FHIT: variants seen among roughly 807,000 people sequenced by gnomAD.
The protein encoded by FHIT is bis(5'-adenosyl)-triphosphatase.
A neutral mutation model predicts 17.9 loss-of-function variants in FHIT; 19 were observed. The ratio of observed to expected loss-of-function variants is 1.06; its 90% confidence interval spans 0.74 to 1.56. FHIT has a LOEUF of 1.56. FHIT is among the 40% of genes most tolerant of loss of function. FHIT has a pLI of 0.00. For missense variants in FHIT, 248 were observed against 189.2 expected, an observed-to-expected ratio of 1.31 and a Z score of -1.82; for synonymous variants, 81 against 69.7, an observed-to-expected ratio of 1.16 and a Z score of -0.81.
At chr3:59,937,356 G>C (rs186481023) in intron 7 of FHIT, among the ~76,000 whole-genome samples, 9 of 152,280 alleles carry the variant, frequency 5.9e-5, no homozygotes, top group African/African-American at 1.9e-4. Context: ...ATAAGATACA[G>C]ATAGTCAGCC....
chr3:60,338,952 T>C (rs113026501), intron 5 of FHIT, among the ~76,000 whole-genome samples: 1,587 of 152,152 alleles, frequency 0.01, 29 homozygotes, highest in African/African-American at 0.036. Context: ...AACCCTGAAA[T>C]AGACATAACA....
At chr3:60,485,381 T>C (rs541451557) in intron 5 of FHIT, among the ~76,000 whole-genome samples, 1 of 152,202 alleles carries the variant, frequency 6.6e-6, no homozygotes, top group South Asian at 2.1e-4. Context: ...TCATTTACAA[T>C]AGCAAAGACT....
chr3:59,956,397 T>A (rs1707399911), intron 7 of FHIT, among the ~76,000 whole-genome samples: 1 of 152,112 alleles, frequency 6.6e-6, no homozygotes, highest in African/African-American at 2.4e-5. Flanking sequence ...AGGCCGGGCA[T>A]GGTGGCTCAC....
chr3:61,011,719 C>G (rs1465541224), intron 3 of FHIT, among the ~76,000 whole-genome samples: 3 of 152,154 alleles, frequency 2.0e-5, no homozygotes, highest in Non-Finnish European at 4.4e-5. Flanking sequence ...GCCTTTTCAT[C>G]TGCAAACAAT....
At position 59,922,427 on chromosome 3, in the gene FHIT, A is replaced by G. The variant is rs555586554; in HGVS notation, c.280-13T>C. 6.2e-6 allele frequency: 10 copies of G among 1,609,644 alleles called. 1 individual carries two copies. In the South Asian group the frequency reaches 7.7e-5, roughly 12 times the overall value. On this transcript the variant is annotated splice_polypyrimidine_tract_variant and intron_variant, in intron 7 of 9. Coordinates refer to ENST00000492590, the MANE Select transcript of FHIT (RefSeq NM_002012.4). ...GGACGTGAACGTGCTGAAAATGTACAAGAAAGAAAAAAAATGTGATTATCT... is the reference window on the plus strand; with the variant it reads ...GGACGTGAACGTGCTGAAAATGTACGAGAAAGAAAAAAAATGTGATTATCT...
In FHIT at chr3:60,521,430, G is replaced by A. The variant is rs192131920; in HGVS notation, c.103+15430C>T. On this transcript the variant is annotated intron_variant, in intron 5 of 9. Coordinates refer to ENST00000492590, the MANE Select transcript of FHIT (RefSeq NM_002012.4). The stretch of plus-strand genomic sequence containing the variant: ...ACCCAGCTAATTTTTTGTATTTTTA[G>A]TAGAGACGGGGTTTCACCGTGTTAG... 2.6e-5 allele frequency among the ~76,000 whole-genome samples: 4 copies of A among 152,086 alleles called. No individual in the cohort carries two copies. The South Asian group carries it at 8.3e-4, about 32-fold the overall frequency.
intron 7 of FHIT, among the ~76,000 whole-genome samples, chr3:59,986,538 T>TAG (rs1427707266): frequency 8.8e-5 from 1 of 11,392 alleles, no homozygotes; most frequent in Non-Finnish European, 1.3e-4. Context: ...TATATATATA[T>TAG]ATACACACAC....
intron 2 of FHIT, among the ~76,000 whole-genome samples, chr3:61,100,868 G>C (rs1174605668): frequency 1.3e-5 from 2 of 152,178 alleles, no homozygotes; most frequent in Admixed American, 1.3e-4. Flanking sequence ...CTTTTGAGAA[G>C]TGTCTGTTCA....
intron 4 of FHIT, among the ~76,000 whole-genome samples, chr3:60,590,521 G>T (rs1025128177): frequency 6.6e-6 from 1 of 152,076 alleles, no homozygotes; most frequent in South Asian, 2.1e-4. Flanking sequence ...TGCACTTTCA[G>T]AAAACTGTTT....
chr3:60,877,400 C>A (rs1296777186), intron 3 of FHIT, among the ~76,000 whole-genome samples: 1 of 152,182 alleles, frequency 6.6e-6, no homozygotes, highest in African/African-American at 2.4e-5. Flanking sequence ...CCTTCACCTG[C>A]CCTCTTGTGC....
intron 3 of FHIT, among the ~76,000 whole-genome samples, chr3:60,955,633 T>TATATATATATATATATACACACAC (rs1272864632): frequency 7.6e-5 from 3 of 39,520 alleles, no homozygotes; most frequent in African/African-American, 8.0e-5. Context: ...TATATATATA[T>TATATATATATATATATACACACAC]ACACACACAC....
chr3:61,138,707 T>G (rs543632297), intron 2 of FHIT, among the ~76,000 whole-genome samples: 1 of 152,326 alleles, frequency 6.6e-6, no homozygotes, highest in African/African-American at 2.4e-5. Flanking sequence ...GGCTTGGCTC[T>G]GGGGCCAACC....
chr3:61,080,342 T>C (rs2035097147), intron 2 of FHIT, among the ~76,000 whole-genome samples: 1 of 152,148 alleles, frequency 6.6e-6, no homozygotes, highest in African/African-American at 2.4e-5. Flanking sequence ...CTCAGTAACA[T>C]CAAATCTGCC....
intron 3 of FHIT, among the ~76,000 whole-genome samples, chr3:60,980,660 C>T (rs1239994728): frequency 6.6e-6 from 1 of 152,102 alleles, no homozygotes; most frequent in African/African-American, 2.4e-5. Context: ...GGAATGGGGA[C>T]ATTTACACTG....
intron 4 of FHIT, among the ~76,000 whole-genome samples, chr3:60,805,101 G>T (rs1701335554): frequency 6.6e-6 from 1 of 152,168 alleles, no homozygotes; most frequent in Non-Finnish European, 1.5e-5. Context: ...GTTATGCTGG[G>T]CATTACTCAA....
At chr3:60,950,836 T>A (rs1317027367) in intron 3 of FHIT, among the ~76,000 whole-genome samples, 2 of 152,130 alleles carry the variant, frequency 1.3e-5, no homozygotes, top group African/African-American at 4.8e-5. Flanking sequence ...GTAGGGCTTT[T>A]CTTCTTGTCT....
At chr3:61,101,332 T>G (rs1042567806) in intron 2 of FHIT, among the ~76,000 whole-genome samples, 1 of 152,192 alleles carries the variant, frequency 6.6e-6, no homozygotes, top group East Asian at 1.9e-4. Context: ...TTTCCCCATT[T>G]CTTGATTTTG....
At chr3:61,006,600 C>A (rs1161162836) in intron 3 of FHIT, among the ~76,000 whole-genome samples, 4 of 97,832 alleles carry the variant, frequency 4.1e-5, no homozygotes, top group Non-Finnish European at 6.1e-5. Context: ...ATTTGGAAAA[C>A]ATATTCTTTT....
intron 3 of FHIT, among the ~76,000 whole-genome samples, chr3:60,956,676 A>G (rs1404772882): frequency 6.6e-6 from 1 of 152,166 alleles, no homozygotes; most frequent in Admixed American, 6.5e-5. Flanking sequence ...TCCAACAACT[A>G]CAGGGGCCAG....
Sources: gnomAD v4.1 joint callset for allele counts (sites outside exome capture counted in the v4.1 genomes callset) on GRCh38, gnomAD v4.1.1 for gene constraint, MANE v1.5 for transcripts, NCBI Gene and HGNC (gene_info 2026-07-23, HGNC 2026-07-21) for gene names.